Variants in TMEM245 observed in about 807,000 individuals in gnomAD.
TMEM245 encodes the protein protein CG-2.
A neutral mutation model predicts 101.2 loss-of-function variants in TMEM245; 69 were observed. That is an observed-to-expected ratio of 0.68 (90% CI 0.56 to 0.83). The LOEUF is 0.83. Among genes scored for constraint, TMEM245 ranks in the 40% least tolerant of loss-of-function variants. The pLI, the probability that TMEM245 is intolerant of heterozygous loss-of-function variation, is 0.00. For synonymous variants in TMEM245, 537 were observed against 449.8 expected, an observed-to-expected ratio of 1.19 and a Z score of -2.45; for missense variants, 1,075 against 1,092.8, an observed-to-expected ratio of 0.98 and a Z score of 0.23.
chr9:109,090,886 A>C, intron 5 of TMEM245, 36 bp downstream of exon 5: 2 of 1,572,558 alleles, frequency 1.3e-6, no homozygotes. Context: ...TCAATCTTCA[A>C]AGACAAGACG....
intron 3 of TMEM245, among the ~76,000 whole-genome samples, chr9:109,105,923 C>A (rs1398207768): frequency 1.3e-5 from 2 of 152,156 alleles, no homozygotes; most frequent in African/African-American, 4.8e-5. Flanking sequence ...CAGGCACATG[C>A]CAACCATGCC....
chr9:109,106,111 C>T (rs941890443), intron 3 of TMEM245, among the ~76,000 whole-genome samples: 4 of 151,950 alleles, frequency 2.6e-5, no homozygotes, highest in African/African-American at 9.7e-5. Flanking sequence ...CTGTAGCCCT[C>T]GCTACTTGGG....
Position 109,119,625 on chromosome 9 carries a change from AG to A in TMEM245, c.288del (p.Phe97SerfsTer5). The A allele has an allele frequency of 6.4e-7, 1 of 1,562,322 alleles. No individual in the cohort carries two copies. Among genetic ancestry groups the A allele is most frequent in the Non-Finnish European group, 8.6e-7 (1 of 1,156,864 alleles). On this transcript the variant is annotated frameshift_variant, in exon 1 of 18. Transcript: ENST00000374586. LOFTEE classifies it high-confidence loss of function. Reference protein sequence around the residue: ...WAVLCGTFLHPFKSSLTRLGR... With the variant: ...WAVLCGTFLHXFKSSLTRLGR... ...CCCAGGCGCGTCAGCGAGCTCTTGA[AG>A]GGGTGCAGAAAAGTGCCGCATAGCA... is the stretch of plus-strand genomic sequence containing the variant.
chr9:109,042,651 ATT>A (rs1363774338), intron 14 of TMEM245, among the ~76,000 whole-genome samples: 4 of 151,886 alleles, frequency 2.6e-5, no homozygotes, highest in Non-Finnish European at 4.4e-5. Flanking sequence ...TTCTAATAAA[ATT>A]TTTTTATTGA....
At chr9:109,046,337 T>C in intron 14 of TMEM245, 1 of 532,306 alleles carries the variant, frequency 1.9e-6, no homozygotes, top group Non-Finnish European at 3.9e-6. Flanking sequence ...GGAAGAAGGG[T>C]GTGATGTATA....
intron 12 of TMEM245, among the ~76,000 whole-genome samples, chr9:109,052,152 A>G (rs917761598): frequency 3.3e-5 from 5 of 152,206 alleles, no homozygotes; most frequent in Admixed American, 2.6e-4. Context: ...TATCTGTTCT[A>G]TTCTTCCTAA....
chr9:109,049,538 G>A (rs952180353), intron 14 of TMEM245, among the ~76,000 whole-genome samples: 3 of 151,984 alleles, frequency 2.0e-5, no homozygotes, highest in Non-Finnish European at 2.9e-5. Context: ...TTAAGAAACA[G>A]GGTCTTGGCC....
rs761216401 is a variant in TMEM245 at position 109,106,522 on chromosome 9, C to G, written c.785G>C (p.Gly262Ala). The stretch of plus-strand genomic sequence containing the variant: ...CTATTTCTTACCAGAAGACTCTTTT[C>G]CATTCTGTTTTTCATAGAGGGTACC... ...SVGTLYEKQN[G>A]KESSGAELPG... Residue 262 changes from glycine (G) to alanine (A), a missense_variant, in exon 3 of 18, where the codon GGA becomes GCA. Physicochemically the swap from Gly to Ala is moderately conservative, Grantham distance 60. Coordinates refer to ENST00000374586, the MANE Select transcript of TMEM245 (RefSeq NM_032012.4). 1.2e-6 allele frequency: 2 copies of G among 1,608,616 alleles called. No individual in the cohort carries two copies. The highest frequency in any genetic ancestry group is 3.3e-5 in the Admixed American group (2 of 59,720).
intron 14 of TMEM245, chr9:109,042,634 CTT>C (rs1828346052): frequency 6.6e-6 from 1 of 151,974 alleles, no homozygotes; most frequent in African/African-American, 2.4e-5. Context: ...ACTCTCCTGC[CTT>C]TGTTTTCTAA....
intron 12 of TMEM245, among the ~76,000 whole-genome samples, chr9:109,053,596 A>G (rs1027734706): frequency 4.6e-5 from 7 of 152,250 alleles, no homozygotes; most frequent in African/African-American, 1.7e-4. Flanking sequence ...CAATGTGGTC[A>G]TGAACGGTGG....
intron 17 of TMEM245, among the ~76,000 whole-genome samples, chr9:109,028,830 T>C (rs2132293623): frequency 6.6e-6 from 1 of 152,044 alleles, no homozygotes; most frequent in Non-Finnish European, 1.5e-5. Flanking sequence ...TACAAGGAAA[T>C]GAATTATGCC....
intron 7 of TMEM245, among the ~76,000 whole-genome samples, chr9:109,084,881 T>G (rs1404114862): frequency 6.6e-6 from 1 of 152,162 alleles, no homozygotes; most frequent in East Asian, 1.9e-4. Context: ...AACTCAACTT[T>G]AAAACTTTAG....
intron 3 of TMEM245, among the ~76,000 whole-genome samples, chr9:109,104,942 C>A (rs1354220940): frequency 2.0e-5 from 3 of 152,050 alleles, no homozygotes; most frequent in African/African-American, 4.8e-5. Flanking sequence ...TATTTACGAC[C>A]TTGGATTTGG....
In TMEM245 at chr9:109,050,542, T is replaced by G. The variant is rs764634429; in HGVS notation, c.1977+28A>C. ...ATATGCTTTAACAGGGAAGGAAATA[T>G]GACGTGTACTTATCTATGTGGACGT... is the stretch of plus-strand genomic sequence containing the variant. On this transcript the variant is annotated intron_variant, in intron 13 of 17. Transcript: ENST00000374586. 1.9e-6 allele frequency: 3 copies of G among 1,613,792 alleles called. No individual in the cohort carries two copies. The South Asian group carries it at 3.3e-5, about 18-fold the overall frequency.
Position 109,050,726 on chromosome 9 carries a change from A to G in TMEM245, c.1855-34T>C, listed in dbSNP as rs1467885910. 3.1e-6 allele frequency: 5 copies of G among 1,610,320 alleles called. No homozygotes were observed. The African/African-American group carries it at 5.4e-5, about 17-fold the overall frequency. On this transcript the variant is annotated intron_variant, in intron 12 of 17. Transcript: ENST00000374586. ...GAAGGAAAGCTGGATATCAGAACCA[A>G]TCCTCATGAAAAAAGTTTCTAGAGC...
intron 8 of TMEM245, among the ~76,000 whole-genome samples, chr9:109,079,206 T>C (rs764229256): frequency 2.0e-5 from 3 of 152,232 alleles, no homozygotes; most frequent in Middle Eastern, 3.4e-3. Context: ...TTTTAATAAT[T>C]TCATGTTGTT....
At chr9:109,053,672 C>G (rs1828751368) in intron 12 of TMEM245, among the ~76,000 whole-genome samples, 1 of 152,224 alleles carries the variant, frequency 6.6e-6, no homozygotes, top group Non-Finnish European at 1.5e-5. Context: ...CAGCCCTTTA[C>G]TCTGAGTCCA....
At chr9:109,102,704 A>C (rs553415616) in intron 3 of TMEM245, among the ~76,000 whole-genome samples, 1 of 152,336 alleles carries the variant, frequency 6.6e-6, no homozygotes, top group East Asian at 1.9e-4. Context: ...AGTGATTTTT[A>C]GTTTCTTCCT....
Position 109,034,561 on chromosome 9 carries a change from C to T in TMEM245, c.2400-1060G>A, listed in dbSNP as rs117713514. On this transcript the variant is annotated intron_variant, in intron 16 of 17. Transcript: ENST00000374586. ...TCCCAGACTCAAGTGATCTTCCTAC[C>T]TCAGCCTCCTGAGTAGCTGGGACTA... Among the ~76,000 whole-genome samples, 203 of 152,230 alleles carry T rather than the reference C, an allele frequency of 1.3e-3. 2 individuals carry two copies. In the East Asian group the frequency reaches 0.034, roughly 25 times the overall value.
Sources: gnomAD v4.1 joint callset for allele counts (sites outside exome capture counted in the v4.1 genomes callset) on GRCh38, gnomAD v4.1.1 for gene constraint, MANE v1.5 for transcripts, NCBI Gene and HGNC (gene_info 2026-07-23, HGNC 2026-07-21) for gene names.